Variants in PIK3CB observed in about 807,000 individuals in gnomAD.
PIK3CB encodes the protein phosphatidylinositol 4,5-bisphosphate 3-kinase catalytic subunit beta isoform.
Under a neutral mutation model 136.8 loss-of-function variants are expected in PIK3CB, and 39 were observed. That is an observed-to-expected ratio of 0.29 (90% CI 0.22 to 0.37). The LOEUF (loss-of-function observed/expected upper bound fraction) is 0.37, where lower values mean the gene tolerates loss of function less well. PIK3CB is among the 10% of genes least tolerant of loss of function. The probability of loss-of-function intolerance (pLI) is 1.00; values close to 1 mark genes in which losing one functional copy is unlikely to be tolerated. For synonymous variants in PIK3CB, 428 were observed against 436.6 expected (o/e 0.98, Z 0.25); for missense variants, 868 against 1,275.4 (o/e 0.68, Z 4.87).
At chr3:138,662,113 CTT>C (rs1173189507) in intron 21 of PIK3CB, among the ~76,000 whole-genome samples, 24 of 136,042 alleles carry the variant, frequency 1.8e-4, no homozygotes, top group African/African-American at 3.2e-4. Flanking sequence ...CATTGGTAAT[CTT>C]TTTTTTTTTT....
At chr3:138,720,426 C>T (rs1416542012) in intron 8 of PIK3CB, among the ~76,000 whole-genome samples, 1 of 152,214 alleles carries the variant, frequency 6.6e-6, no homozygotes. Flanking sequence ...TCTGCCTTCA[C>T]TCTCACCAAA....
intron 4 of PIK3CB, among the ~76,000 whole-genome samples, chr3:138,745,009 G>T (rs1175986592): frequency 6.6e-6 from 1 of 152,194 alleles, no homozygotes; most frequent in African/African-American, 2.4e-5. Context: ...TCAATCCTGT[G>T]AAGTCATGTA....
Position 138,819,205 on chromosome 3 carries a change from G to A in PIK3CB, c.-122+15490C>T, listed in dbSNP as rs188304046. ...CTACTAAAAATACAAAAACTAGCCAGGCGTGGTGGCACGTGCCTGTAGTCC... is the reference window on the plus strand; with the variant it reads ...CTACTAAAAATACAAAAACTAGCCAAGCGTGGTGGCACGTGCCTGTAGTCC... On this transcript the variant is annotated intron_variant, in intron 1 of 23. Coordinates refer to ENST00000674063, the MANE Select transcript of PIK3CB (RefSeq NM_006219.3). 4.2e-3 allele frequency among the ~76,000 whole-genome samples: 639 copies of A among 152,306 alleles called. 3 individuals carry two copies. The highest frequency in any genetic ancestry group is 8.1e-3 in the Admixed American group (124 of 15,286).
At chr3:138,798,355 G>C (rs2046132747) in intron 1 of PIK3CB, among the ~76,000 whole-genome samples, 1 of 152,086 alleles carries the variant, frequency 6.6e-6, no homozygotes, top group African/African-American at 2.4e-5. Context: ...AGTAGAGATG[G>C]GGTTTCACCA....
chr3:138,731,253 CCTTT>C (rs1412340451), intron 8 of PIK3CB, among the ~76,000 whole-genome samples: 2 of 151,728 alleles, frequency 1.3e-5, no homozygotes, highest in Admixed American at 6.6e-5. Flanking sequence ...TTTTTCTTTT[CCTTT>C]CTTTTTTTTG....
At chr3:138,745,651 T>G (rs2045340255) in intron 4 of PIK3CB, among the ~76,000 whole-genome samples, 1 of 151,978 alleles carries the variant, frequency 6.6e-6, no homozygotes, top group East Asian at 1.9e-4. Flanking sequence ...AGGCAGCCCC[T>G]TACTGGCAAA....
intron 20 of PIK3CB, 100 bp downstream of exon 20, chr3:138,664,936 C>G: frequency 1.4e-6 from 1 of 690,460 alleles, no homozygotes; most frequent in Non-Finnish European, 2.3e-6. Context: ...ATAAAAAACA[C>G]TAATATTTCC....
intron 4 of PIK3CB, among the ~76,000 whole-genome samples, chr3:138,744,113 C>T (rs780264720): frequency 2.0e-5 from 3 of 151,862 alleles, no homozygotes; most frequent in East Asian, 1.9e-4. Context: ...GTGGATTGGT[C>T]GGGCGCAGTG....
At chr3:138,744,319 C>T (rs1045001668) in intron 4 of PIK3CB, among the ~76,000 whole-genome samples, 12 of 135,776 alleles carry the variant, frequency 8.8e-5, no homozygotes, top group Non-Finnish European at 1.2e-4. Flanking sequence ...GGCGTGAACC[C>T]GGGAGGCGGA....
At chr3:138,695,804 T>C (rs1363867919) in intron 13 of PIK3CB, among the ~76,000 whole-genome samples, 4 of 152,082 alleles carry the variant, frequency 2.6e-5, no homozygotes, top group African/African-American at 9.7e-5. Flanking sequence ...TGGAGTACAA[T>C]AGTGCAATCT....
chr3:138,693,992 A>ATATATATT (rs2044081593), intron 14 of PIK3CB, among the ~76,000 whole-genome samples: 1 of 113,324 alleles, frequency 8.8e-6, no homozygotes, highest in Non-Finnish European at 1.8e-5. Context: ...ATATATATAT[A>ATATATATT]TTTTAAACCC....
intron 2 of PIK3CB, among the ~76,000 whole-genome samples, chr3:138,784,422 C>CT (rs1014441906): frequency 6.6e-6 from 1 of 152,038 alleles, no homozygotes; most frequent in African/African-American, 2.4e-5. Flanking sequence ...CCCCCTCCCC[C>CT]TCTCCCTCTC....
chr3:138,830,609 AT>A (rs1933984711), intron 1 of PIK3CB, among the ~76,000 whole-genome samples: 1 of 151,854 alleles, frequency 6.6e-6, no homozygotes, highest in South Asian at 2.1e-4. Context: ...GAATACACAA[AT>A]AATAAAGCAG....
chr3:138,704,687 G>C (rs1391283386), intron 11 of PIK3CB, among the ~76,000 whole-genome samples, 194 bp from the exon 12 acceptor site: 1 of 152,070 alleles, frequency 6.6e-6, no homozygotes, highest in Non-Finnish European at 1.5e-5. Context: ...TGATGGTATT[G>C]CTATAAGGGA....
At chr3:138,659,866 CTTTTTTTTTTTTTTTTT>C (rs56255742) in intron 21 of PIK3CB, among the ~76,000 whole-genome samples, 2 of 75,450 alleles carry the variant, frequency 2.7e-5, no homozygotes, top group East Asian at 9.6e-4. Context: ...CTTTCCTCTT[CTTTTTTTTTTTTTTTTT>C]TTTTTTTTTT....
chr3:138,812,868 C>T lies in PIK3CB; in HGVS notation c.-121-16301G>A, dbSNP rs192662032. Among the ~76,000 whole-genome samples the T allele has an allele frequency of 2.8e-3, 431 of 152,144 alleles. 4 individuals are homozygous for T. The highest frequency in any genetic ancestry group is 9.9e-3 in the African/African-American group (411 of 41,512). ...TTGTAATGGAACTATTGTGACTTTACGGTGGTGGTGGTCACTCAAATCTAT... is the reference window on the plus strand; with the variant it reads ...TTGTAATGGAACTATTGTGACTTTATGGTGGTGGTGGTCACTCAAATCTAT... On this transcript the variant is annotated intron_variant, in intron 1 of 23. Coordinates refer to ENST00000674063, the MANE Select transcript of PIK3CB (RefSeq NM_006219.3).
In PIK3CB at chr3:138,712,279, G is replaced by T. The variant is rs766587288; in HGVS notation, c.1328C>A (p.Thr443Lys). Reference protein sequence around the residue: ...KVHYPVAWVNTMVFDFKGQLR... With the variant: ...KVHYPVAWVNKMVFDFKGQLR... The stretch of plus-strand genomic sequence containing the variant: ...TTGTCCTTTAAAGTCAAAAACCATC[G>T]TATTTACCCACGCTACAGGATAATG... Residue 443 changes from threonine (T) to lysine (K), a missense_variant, in exon 10 of 24, where the codon ACG becomes AAG. By Grantham distance (78) the Thr-to-Lys change is moderately conservative. Coordinates refer to ENST00000674063, the MANE Select transcript of PIK3CB (RefSeq NM_006219.3). 3.8e-6 allele frequency: 6 copies of T among 1,573,248 alleles called. No individual in the cohort carries two copies. Among genetic ancestry groups the T allele is most frequent in the Non-Finnish European group, 4.3e-6 (5 of 1,152,640 alleles).
chr3:138,659,511 C>T (rs2043249897), intron 21 of PIK3CB, among the ~76,000 whole-genome samples: 1 of 150,560 alleles, frequency 6.6e-6, no homozygotes, highest in African/African-American at 2.4e-5. Context: ...AGCAAGTCTC[C>T]ATCTCAGAAA....
At chr3:138,782,691 T>C (rs2045934912) in intron 2 of PIK3CB, among the ~76,000 whole-genome samples, 1 of 152,138 alleles carries the variant, frequency 6.6e-6, no homozygotes, top group African/African-American at 2.4e-5. Flanking sequence ...TTTAAGAAAG[T>C]TGGTGTGACA....
Sources: allele counts gnomAD v4.1 joint callset (sites outside exome capture counted in the v4.1 genomes callset), GRCh38; gene constraint gnomAD v4.1.1; transcripts MANE v1.5; gene names NCBI Gene and HGNC (gene_info 2026-07-23, HGNC 2026-07-21).